NKIRAS1: variants seen among roughly 807,000 people sequenced by gnomAD.
NKIRAS1 encodes the protein NFKB inhibitor interacting Ras like 1.
In NKIRAS1, 16 loss-of-function variants were observed where a neutral mutation model predicts 19.8. That is an observed-to-expected ratio of 0.81 (90% CI 0.55 to 1.23). The LOEUF is 1.23. Ranked by LOEUF, NKIRAS1 falls within the 50% of genes most tolerant of loss-of-function variation. The pLI is 0.00. For synonymous variants in NKIRAS1, 88 were observed against 79.0 expected (o/e 1.11, Z -0.61); for missense variants, 184 against 220.0 (o/e 0.84, Z 1.04).
upstream of NKIRAS1, chr3:23,918,952 CCTG>C: frequency 1.8e-6 from 1 of 555,272 alleles, no homozygotes; most frequent in South Asian, 2.5e-5. Flanking sequence ...TTAACATATT[CCTG>C]CCCTAGTCAG....
At chr3:23,939,217 C>T (rs189964765) in intron 1 of NKIRAS1, among the ~76,000 whole-genome samples, 7 of 152,254 alleles carry the variant, frequency 4.6e-5, no homozygotes, top group Non-Finnish European at 8.8e-5. Flanking sequence ...GAAACTGACT[C>T]TGGCTAATTG....
intron 1 of NKIRAS1, among the ~76,000 whole-genome samples, chr3:23,930,457 A>T (rs1452904484): frequency 1.1e-5 from 1 of 88,622 alleles, no homozygotes; most frequent in Non-Finnish European, 2.8e-5. Context: ...TAAAAGATAA[A>T]TAAGCCGCCA....
Position 23,890,563 on chromosome 3 carries a change from A to AATAC in NKIRAS1, c.*2531_*2532insGTAT. 1 of 1,613,800 alleles carries AATAC rather than the reference A, an allele frequency of 6.2e-7. No homozygotes were observed. Among genetic ancestry groups the AATAC allele is most frequent in the Non-Finnish European group, 8.5e-7 (1 of 1,179,860 alleles). ...CAGTATATGACCAACAGAGCAGAAC[A>AATAC]TGACAGAATGGCCAGACAGTGGACC... is the stretch of plus-strand genomic sequence containing the variant. On this transcript the variant is annotated 3_prime_UTR_variant, in exon 5 of 5. Coordinates refer to ENST00000425478, the MANE Select transcript of NKIRAS1 (RefSeq NM_020345.4).
Position 23,896,979 on chromosome 3 carries a change from G to A in NKIRAS1, c.337-3642C>T, listed in dbSNP as rs542103473. Among the ~76,000 whole-genome samples, 3 of 152,288 alleles carry A rather than the reference G, an allele frequency of 2.0e-5. No individual in the cohort carries two copies. The South Asian group carries it at 6.2e-4, about 32-fold the overall frequency. On this transcript the variant is annotated intron_variant, in intron 4 of 4. Coordinates refer to ENST00000425478, the MANE Select transcript of NKIRAS1 (RefSeq NM_020345.4). The stretch of plus-strand genomic sequence containing the variant: ...CCAGCACTTTGGGAGGCCGAGGCAG[G>A]AGGATCACTTGAAGCCAGGAGTTGG...
intron 1 of NKIRAS1, chr3:23,923,242 T>C (rs1705146229): frequency 7.0e-6 from 1 of 141,924 alleles, no homozygotes; most frequent in African/African-American, 2.8e-5. Flanking sequence ...TTTTTTGAGA[T>C]GTAGTTTTGC....
At chr3:23,925,681 G>A (rs2125263597) in intron 1 of NKIRAS1, among the ~76,000 whole-genome samples, 1 of 152,128 alleles carries the variant, frequency 6.6e-6, no homozygotes, top group Non-Finnish European at 1.5e-5. Context: ...CTCAGTTTTT[G>A]TTGTTTTACA....
In NKIRAS1 at chr3:23,922,074, C is replaced by T. The variant is rs878941926; in HGVS notation, c.-139-10624G>A. 1.2e-4 allele frequency: 18 copies of T among 155,444 alleles called. No homozygotes were observed. Among genetic ancestry groups the T allele is most frequent in the African/African-American group, 3.1e-4 (13 of 41,458 alleles). The allele number at this position is 155,444 out of a possible 1,614,324, so 9.6% of individuals were successfully genotyped here. A position where few individuals can be genotyped will look rare whatever the true frequency, so the allele number is the denominator to read the frequency against. Reference sequence around the variant, plus strand: ...CTCACGCCTGCAATCCCAACACTTTCGGTAACCAAGGTGGGCTTGAGCTCA... The same window carrying T: ...CTCACGCCTGCAATCCCAACACTTTTGGTAACCAAGGTGGGCTTGAGCTCA... On this transcript the variant is annotated intron_variant, in intron 1 of 4. Coordinates refer to the NKIRAS1 transcript ENST00000421515. This position sits in a 1 kb window ranked among gnomAD's most constrained non-coding sequence, Gnocchi z 4.2.
chr3:23,902,440 C>A (rs2125384781), intron 3 of NKIRAS1, among the ~76,000 whole-genome samples: 1 of 152,224 alleles, frequency 6.6e-6, no homozygotes, highest in South Asian at 2.1e-4. Context: ...TATGTATATA[C>A]CTGTCTGTGT....
chr3:23,917,609 C>G (rs1444764048), upstream of NKIRAS1: 1 of 451,698 alleles, frequency 2.2e-6, no homozygotes, highest in Non-Finnish European at 3.9e-6. Context: ...AGTTCTGGTT[C>G]TGTTAATTCG....
intron 1 of NKIRAS1, among the ~76,000 whole-genome samples, chr3:23,928,291 A>AAAAT (rs71622762): frequency 0.28 from 40,028 of 144,444 alleles, 5,689 homozygotes; most frequent in Non-Finnish European, 0.31. Context: ...CTCTGTCTCA[A>AAAAT]AAATAAATAA....
At chr3:23,919,433 A>G, upstream of NKIRAS1, 1 of 1,604,826 alleles carries the variant, frequency 6.2e-7, no homozygotes, top group Non-Finnish European at 8.5e-7. Context: ...GTTCCACCAC[A>G]CTATTGGTGG....
At chr3:23,936,838 A>G (rs6550815) in intron 1 of NKIRAS1, among the ~76,000 whole-genome samples, 120,181 of 152,228 alleles carry the variant, frequency 0.79, 48,199 homozygotes, top group African/African-American at 0.91. Context: ...GAGCCACTGC[A>G]CTACTGCGCC....
chr3:23,909,020 A>T (rs1703370708), intron 3 of NKIRAS1, among the ~76,000 whole-genome samples: 2 of 151,990 alleles, frequency 1.3e-5, no homozygotes, highest in African/African-American at 4.8e-5. Context: ...TAATACAGTA[A>T]ATGTTGGAAG....
intron 4 of NKIRAS1, 31 bp downstream of exon 4, chr3:23,900,777 C>T (rs1363737248): frequency 1.3e-6 from 2 of 1,576,650 alleles, no homozygotes; most frequent in East Asian, 4.5e-5. Context: ...TATTATAATT[C>T]ACATTTGGCA....
At chr3:23,912,288 C>G (rs899700408) in intron 1 of NKIRAS1, among the ~76,000 whole-genome samples, 2 of 151,908 alleles carry the variant, frequency 1.3e-5, no homozygotes, top group Non-Finnish European at 2.9e-5. Flanking sequence ...TGCAATCTAC[C>G]CATCTGACAA....
upstream of NKIRAS1, chr3:23,918,600 A>G: frequency 6.2e-7 from 1 of 1,610,388 alleles, no homozygotes; most frequent in South Asian, 1.1e-5. Context: ...AGTAGCAGTT[A>G]TATTGAATAC....
rs1304999414 is a variant in NKIRAS1 at position 23,893,267 on chromosome 3, T to A, written c.407A>T (p.Gln136Leu). Residue 136 changes from glutamine to leucine, a missense_variant, in exon 5 of 5, where the codon CAG (glutamine) becomes CTG (leucine). Coordinates refer to ENST00000425478, the MANE Select transcript of NKIRAS1 (RefSeq NM_020345.4). The part of the protein sequence containing the change: ...EQRQVDAEVA[Q>L]QWAKSEKVRL... The stretch of plus-strand genomic sequence containing the variant: ...TACTTTCTCACTTTTTGCCCACTGC[T>A]GTGCCACTTCAGCGTCCACTTGTCT... 1 of 1,614,214 alleles carries A rather than the reference T, an allele frequency of 6.2e-7. No individual in the cohort carries two copies. Among genetic ancestry groups the A allele is most frequent in the Admixed American group, 1.7e-5 (1 of 60,024 alleles).
At chr3:23,912,777 A>C (rs1703892841) in intron 1 of NKIRAS1, among the ~76,000 whole-genome samples, 1 of 152,190 alleles carries the variant, frequency 6.6e-6, no homozygotes, top group Non-Finnish European at 1.5e-5. Context: ...AATAGCAAAG[A>C]CTTGGAACCA....
At chr3:23,908,432 C>T (rs780422716) in intron 3 of NKIRAS1, among the ~76,000 whole-genome samples, 1 of 152,084 alleles carries the variant, frequency 6.6e-6, no homozygotes, top group Non-Finnish European at 1.5e-5. Context: ...TATCTGTGTG[C>T]GGCTGGATTT....
Sources: allele counts gnomAD v4.1 joint callset (sites outside exome capture counted in the v4.1 genomes callset), GRCh38; gene constraint gnomAD v4.1.1; non-coding constraint Gnocchi (gnomAD v3.1); transcripts MANE v1.5; gene names NCBI Gene and HGNC (gene_info 2026-07-23, HGNC 2026-07-21).